Variants in ZNF302 observed in about 807,000 individuals in gnomAD.
ZNF302 encodes the protein zinc finger protein 302.
In ZNF302, 12 loss-of-function variants were observed where a neutral mutation model predicts 10.8. The ratio of observed to expected loss-of-function variants is 1.11; its 90% confidence interval spans 0.71 to 1.79. The LOEUF is 1.79. ZNF302 is among the 40% of genes most tolerant of loss of function. The probability of loss-of-function intolerance (pLI) is 0.00; values close to 1 mark genes in which losing one functional copy is unlikely to be tolerated. For synonymous variants in ZNF302, 178 were observed against 157.5 expected (o/e 1.13, Z -0.98); for missense variants, 461 against 471.1 (o/e 0.98, Z 0.20).
At chr19:34,676,151 T>A (rs920490250), upstream of ZNF302, 1 of 152,204 alleles carries the variant, frequency 6.6e-6, no homozygotes, top group African/African-American at 2.4e-5. Context: ...TGCTGTTTGG[T>A]CCGTTTTTAC....
In ZNF302 at chr19:34,678,113, C is replaced by T. The variant is rs2068073697; in HGVS notation, c.-69+10C>T. 2 of 152,332 alleles carry T rather than the reference C, an allele frequency of 1.3e-5. No individual in the cohort carries two copies. Among genetic ancestry groups the T allele is most frequent in the African/African-American group, 2.4e-5 (1 of 41,572 alleles). The allele number at this position is 152,332 out of a possible 1,614,324, so 9.4% of individuals were successfully genotyped here. On this transcript the variant is annotated intron_variant, in intron 1 of 4. Transcript: ENST00000505242. ...AACCTTGAACAAATGGGTTCAGTAT[C>T]TCGGAATTTCAGTTTTGTCTTCATT...
intron 2 of ZNF302, among the ~76,000 whole-genome samples, chr19:34,679,621 T>C (rs1466430535): frequency 2.0e-5 from 3 of 152,200 alleles, no homozygotes; most frequent in Non-Finnish European, 1.5e-5. Context: ...GTTTGTTCCG[T>C]GGTTACTTTC....
rs1284777148 is a variant in ZNF302 at position 34,684,362 on chromosome 19, T to C, written c.325T>C (p.Phe109Leu). ...AAAAGTTGTAAAACAAAGTTATGAA[T>C]TTTCAAATTCTAATAAGAATTTGGA... ...MEKVVKQSYE[F>L]SNSNKNLEYT... is the part of the protein sequence containing the mutation. Residue 109 changes from phenylalanine (F) to leucine (L), a missense_variant, in exon 5 of 5, where the codon TTT (phenylalanine) becomes CTT (leucine). Transcript: ENST00000505242. 4 of 1,602,124 alleles carry C rather than the reference T, an allele frequency of 2.5e-6. No homozygotes were observed. The highest frequency in any genetic ancestry group is 3.4e-6 in the Non-Finnish European group (4 of 1,176,314).
intron 4 of ZNF302, 198 bp from the exon 5 acceptor site, chr19:34,684,054 T>C (rs1166915670): frequency 5.3e-6 from 8 of 1,520,014 alleles, no homozygotes; most frequent in South Asian, 1.3e-5. Context: ...CTCTGCTCTA[T>C]TTGAGCATTG....
chr19:34,679,560 G>A (rs530385897), intron 2 of ZNF302, among the ~76,000 whole-genome samples: 2 of 152,228 alleles, frequency 1.3e-5, no homozygotes, highest in East Asian at 3.9e-4. Flanking sequence ...CATCCACGTG[G>A]AATATTCTTC....
In ZNF302 at chr19:34,684,892, T is replaced by C. The variant is rs1169056008; in HGVS notation, c.855T>C (p.Tyr285=). The C allele has an allele frequency of 5.0e-6, 8 of 1,613,924 alleles. No homozygotes were observed. Among genetic ancestry groups the C allele is most frequent in the Non-Finnish European group, 6.8e-6 (8 of 1,179,838 alleles). The change falls in exon 5 of 5, where the codon TAT becomes TAC. Residue 285 remains tyrosine (Y), a synonymous_variant. Coordinates refer to ENST00000505242, the MANE Select transcript of ZNF302 (RefSeq NM_001289187.2). ...HQSTHTGEKP[Y]ECMNCGKSFS... is the part of the protein sequence containing the mutation. ...GCACTCACACGGGAGAGAAACCGTA[T>C]GAATGTATGAACTGTGGAAAGTCTT...
intron 2 of ZNF302, among the ~76,000 whole-genome samples, chr19:34,679,379 ATTG>A (rs1407021502): frequency 7.9e-5 from 12 of 152,180 alleles, no homozygotes; most frequent in Middle Eastern, 3.4e-3. Flanking sequence ...CCATGGTCCT[ATTG>A]TTATATAAAT....
In ZNF302 at chr19:34,682,805, T is replaced by A; in HGVS notation, c.38T>A (p.Phe13Tyr). Residue 13 changes from phenylalanine to tyrosine, a missense_variant, in exon 3 of 5, where the codon TTC becomes TAC. By Grantham distance (22) the Phe-to-Tyr change is conservative. Coordinates refer to ENST00000505242, the MANE Select transcript of ZNF302 (RefSeq NM_001289187.2). ...ACATTTAGTGATGTGGCTATAGACT[T>A]CTCTCATGAAGAGTGGGCATGCCTA... is the stretch of plus-strand genomic sequence containing the variant. ...QVTFSDVAIDFSHEEWACLDS... is the reference protein window; with the variant it reads ...QVTFSDVAIDYSHEEWACLDS... 1.2e-6 allele frequency: 2 copies of A among 1,613,746 alleles called. No homozygotes were observed. Among genetic ancestry groups the A allele is most frequent in the South Asian group, 2.2e-5 (2 of 91,080 alleles).
Position 34,685,674 on chromosome 19 carries a change from CCCTT to C in ZNF302, c.*438_*441del, listed in dbSNP as rs1600116465. ...ACGGTAAACTTCATTCATAGATCCT[CCCTT>C]ATTTAACATCAGAAAAATGTATACT... On this transcript the variant is annotated 3_prime_UTR_variant, in exon 5 of 5. Coordinates refer to ENST00000505242, the MANE Select transcript of ZNF302 (RefSeq NM_001289187.2). 5 of 740,622 alleles carry C rather than the reference CCCTT, an allele frequency of 6.8e-6. No individual in the cohort carries two copies. Among genetic ancestry groups the C allele is most frequent in the Non-Finnish European group, 1.1e-5 (5 of 435,852 alleles). The allele number at this position is 740,622 out of a possible 1,614,324, so 45.9% of individuals were successfully genotyped here. A position where few individuals can be genotyped will look rare whatever the true frequency, so the allele number is the denominator to read the frequency against.
rs2068529517 is a variant in ZNF302 at position 34,684,271 on chromosome 19, AAACAAGGAATTATC to A, written c.240_253del (p.Leu82GlyfsTer4). On this transcript the variant is annotated frameshift_variant, in exon 5 of 5. Coordinates refer to ENST00000505242, the MANE Select transcript of ZNF302 (RefSeq NM_001289187.2). LOFTEE classifies it low-confidence loss of function (END_TRUNC). ...TTTCAGATTGGGAATCAAGATGGGA[AAACAAGGAATTATC>A]AACAAAGAAGGATATTTATGATGAA... is the stretch of plus-strand genomic sequence containing the variant. 6.4e-7 allele frequency: 1 copy of A among 1,562,046 alleles called. No homozygotes were observed. Among genetic ancestry groups the A allele is most frequent in the East Asian group, 2.3e-5 (1 of 44,142 alleles).
At chr19:34,679,999 A>C in intron 2 of ZNF302, 1 of 698,124 alleles carries the variant, frequency 1.4e-6, no homozygotes, top group Non-Finnish European at 2.6e-6. Context: ...GTCTGTTTTC[A>C]TGGAATAATT....
In ZNF302 at chr19:34,684,684, T is replaced by G; in HGVS notation, c.647T>G (p.Leu216Arg). The G allele has an allele frequency of 6.2e-7, 1 of 1,614,088 alleles. No homozygotes were observed. The highest frequency in any genetic ancestry group is 8.5e-7 in the Non-Finnish European group (1 of 1,179,936). Residue 216 changes from leucine (L) to arginine (R), a missense_variant, in exon 5 of 5, where the codon CTC becomes CGC. Physicochemically the swap from Leu to Arg is moderately radical, Grantham distance 102 (BLOSUM62 -2). Coordinates refer to ENST00000505242, the MANE Select transcript of ZNF302 (RefSeq NM_001289187.2). The part of the protein sequence containing the change: ...CGKAFGKQSI[L>R]SRHWRIHTGE... ...AAAGCCTTTGGCAAACAGTCAATCC[T>G]CAGTCGCCACTGGAGAATTCATACA... is the stretch of plus-strand genomic sequence containing the variant.
rs764037049 is a variant in ZNF302 at position 34,684,366 on chromosome 19, C to T, written c.329C>T (p.Ser110Leu). 18 of 1,601,702 alleles carry T rather than the reference C, an allele frequency of 1.1e-5. No individual in the cohort carries two copies. The highest frequency in any genetic ancestry group is 1.4e-5 in the Non-Finnish European group (16 of 1,176,266). Residue 110 changes from serine to leucine, a missense_variant, in exon 5 of 5, where the codon TCA (serine) becomes TTA (leucine). By Grantham distance (145) the Ser-to-Leu change is moderately radical. Coordinates refer to ENST00000505242, the MANE Select transcript of ZNF302 (RefSeq NM_001289187.2). Reference protein sequence around the residue: ...EKVVKQSYEFSNSNKNLEYTE... With the variant: ...EKVVKQSYEFLNSNKNLEYTE... ...GTTGTAAAACAAAGTTATGAATTTT[C>T]AAATTCTAATAAGAATTTGGAATAT...
At chr19:34,682,208 C>T (rs925072376) in intron 2 of ZNF302, 1 of 152,560 alleles carries the variant, frequency 6.6e-6, no homozygotes, top group African/African-American at 2.4e-5. Context: ...GCCCAATAGT[C>T]TCCTAAAGAT....
At chr19:34,680,068 G>A (rs2068259169) in intron 2 of ZNF302, 1 of 642,364 alleles carries the variant, frequency 1.6e-6, no homozygotes, top group South Asian at 1.8e-5. Flanking sequence ...CCAGTTACTC[G>A]GGAGGCTGAT....
chr19:34,678,041 GT>G lies in ZNF302; in HGVS notation c.-123del, dbSNP rs149005871. 0.36 allele frequency: 55,333 copies of G among 152,114 alleles called. 10,378 individuals are homozygous for G. The highest frequency in any genetic ancestry group is 0.44 in the African/African-American group (18,197 of 41,460). The allele number at this position is 152,114 out of a possible 1,614,324, so 9.4% of individuals were successfully genotyped here. A position where few individuals can be genotyped will look rare whatever the true frequency, so the allele number is the denominator to read the frequency against. On this transcript the variant is annotated 5_prime_UTR_variant, in exon 1 of 5. An upstream open reading frame in the 5' UTR loses its in-frame stop. Transcript: ENST00000505242. Reference sequence around the variant, plus strand: ...GGCGCGAGAGCAGACGCCAGCTACAGTTTTTTTTGGGTTATGTCGTCATGAA... The same window carrying G: ...GGCGCGAGAGCAGACGCCAGCTACAGTTTTTTTGGGTTATGTCGTCATGAA...
At chr19:34,682,483 A>AT (rs1436805904) in intron 2 of ZNF302, 1 of 262,372 alleles carries the variant, frequency 3.8e-6, no homozygotes, top group African/African-American at 2.3e-5. Flanking sequence ...TCAAATGTTG[A>AT]TTTTTAAAAA....
chr19:34,684,583 C>T lies in ZNF302; in HGVS notation c.546C>T (p.Ala182=), dbSNP rs1244747359. Residue 182 remains alanine (A), a synonymous_variant, in exon 5 of 5, where the codon GCC becomes GCT. Coordinates refer to ENST00000505242, the MANE Select transcript of ZNF302 (RefSeq NM_001289187.2). ...TAAATTCTAATAAAAGTGGGGCAGC[C>T]TTCAACCAGAGCAAATCTCTTACCC... The part of the protein sequence containing the change: ...KLLNSNKSGA[A]FNQSKSLTLP... 1 of 1,614,014 alleles carries T rather than the reference C, an allele frequency of 6.2e-7. No individual in the cohort carries two copies. Among genetic ancestry groups the T allele is most frequent in the Admixed American group, 1.7e-5 (1 of 60,016 alleles).
chr19:34,685,308 C>T lies in ZNF302; in HGVS notation c.*71C>T. 8 of 1,613,818 alleles carry T rather than the reference C, an allele frequency of 5.0e-6. No homozygotes were observed. Among genetic ancestry groups the T allele is most frequent in the Middle Eastern group, 1.7e-4 (1 of 6,058 alleles). On this transcript the variant is annotated 3_prime_UTR_variant, in exon 5 of 5. Transcript: ENST00000505242. ...TTGAGAAATCACATTAGATTGAAAC[C>T]CTACGAATGCAGTATATGTGGGAAA...
Sources: gnomAD v4.1 joint callset for allele counts (sites outside exome capture counted in the v4.1 genomes callset) on GRCh38, gnomAD v4.1.1 for gene constraint, MANE v1.5 for transcripts, NCBI Gene and HGNC (gene_info 2026-07-23, HGNC 2026-07-21) for gene names.